The following TUBGCP5 variants were observed in gnomAD, a reference collection of about 807,000 sequenced individuals.
TUBGCP5 encodes gamma-tubulin complex component 5.
A neutral mutation model predicts 134.7 loss-of-function variants in TUBGCP5; 98 were observed. The ratio of observed to expected loss-of-function variants is 0.73; its 90% confidence interval spans 0.62 to 0.86. The LOEUF (loss-of-function observed/expected upper bound fraction) is 0.86. Among genes scored for constraint, TUBGCP5 ranks in the 40% least tolerant of loss-of-function variants. The pLI, the probability that TUBGCP5 is intolerant of heterozygous loss-of-function variation, is 0.00. For missense variants in TUBGCP5, 1,150 were observed against 1,244.8 expected (o/e 0.92, Z 1.15); for synonymous variants, 456 against 431.4 (o/e 1.06, Z -0.71).
chr15:23,026,066 C>T lies in TUBGCP5; in HGVS notation c.827+50G>A, dbSNP rs754404439. The T allele has an allele frequency of 5.0e-5, 74 of 1,475,036 alleles. No homozygotes were observed. The South Asian group carries it at 7.1e-4, about 14-fold the overall frequency. 91.4% of individuals were successfully genotyped at this position (1,475,036 alleles called of 1,614,324 possible). On this transcript the variant is annotated intron_variant, in intron 8 of 22. Coordinates refer to ENST00000615383, the MANE Select transcript of TUBGCP5 (RefSeq NM_052903.6). ...TTTCCTTTAATAAAAGTTTTTGCTT[C>T]TCAGTAATCAAGTCTCATAAAGACT...
chr15:23,035,088 G>C (rs1485437144), intron 3 of TUBGCP5, among the ~76,000 whole-genome samples: 1 of 152,066 alleles, frequency 6.6e-6, no homozygotes, highest in Non-Finnish European at 1.5e-5. Flanking sequence ...AGCACTTTGG[G>C]AGGCCAAGGC....
intron 10 of TUBGCP5, among the ~76,000 whole-genome samples, chr15:23,022,901 C>T (rs2065782617): frequency 6.6e-6 from 1 of 152,134 alleles, no homozygotes; most frequent in African/African-American, 2.4e-5. Flanking sequence ...AGCTGTCATA[C>T]TGGTGAAGAC....
intron 5 of TUBGCP5, among the ~76,000 whole-genome samples, chr15:23,031,479 G>A (rs1489520785): frequency 6.6e-6 from 1 of 152,176 alleles, no homozygotes; most frequent in Admixed American, 6.5e-5. Context: ...ACCACACCCA[G>A]CTAATTTTTT....
rs2064255605 is a variant in TUBGCP5, at chr15:22,999,667, C to T, written c.*153G>A. On this transcript the variant is annotated 3_prime_UTR_variant, in exon 23 of 23. Coordinates refer to ENST00000615383, the MANE Select transcript of TUBGCP5 (RefSeq NM_052903.6). The stretch of plus-strand genomic sequence containing the variant: ...CTGCCTGTCTTGGCCTCCCATCGTG[C>T]TGGGATTAGAGGCATGAGCGACTGT... 2 of 787,052 alleles carry T rather than the reference C, an allele frequency of 2.5e-6. No homozygotes were observed. The highest frequency in any genetic ancestry group is 5.5e-5 in the East Asian group (2 of 36,238). The allele number at this position is 787,052 out of a possible 1,614,324, so 48.8% of individuals were successfully genotyped here. A position where few individuals can be genotyped will look rare whatever the true frequency, so the allele number is the denominator to read the frequency against.
chr15:23,022,234 C>A, intron 10 of TUBGCP5, 73 bp from the exon 11 acceptor site: 2 of 1,510,126 alleles, frequency 1.3e-6, no homozygotes, highest in Non-Finnish European at 1.8e-6. Context: ...TAAATGCTGG[C>A]AAATCATCAG....
chr15:23,020,879 T>C (rs550033233), intron 11 of TUBGCP5, among the ~76,000 whole-genome samples: 6 of 152,146 alleles, frequency 3.9e-5, no homozygotes, highest in African/African-American at 7.2e-5. Context: ...CCTGGGACCA[T>C]AGGCATGTGC....
intron 14 of TUBGCP5, among the ~76,000 whole-genome samples, chr15:23,010,688 T>A (rs780717364): frequency 1.3e-4 from 20 of 152,044 alleles, no homozygotes; most frequent in Admixed American, 4.6e-4. Flanking sequence ...CTGCTTGTTA[T>A]AAAGGATAGG....
downstream of TUBGCP5, among the ~76,000 whole-genome samples, chr15:22,995,940 T>C (rs931159772): frequency 2.0e-5 from 3 of 152,162 alleles, no homozygotes; most frequent in East Asian, 1.9e-4. Context: ...AATTCTCTTA[T>C]GTCGTTATGT....
chr15:23,037,168 T>C lies in TUBGCP5; in HGVS notation c.147-16A>G. 1.9e-6 allele frequency: 3 copies of C among 1,611,318 alleles called. No individual in the cohort carries two copies. Among genetic ancestry groups the C allele is most frequent in the Admixed American group, 3.4e-5 (2 of 59,694 alleles). ...ACGATGAAATCTATTAAAGACAAAATGCAATTCTTATGCCAACTCTGTCAC... is the reference window on the plus strand; with the variant it reads ...ACGATGAAATCTATTAAAGACAAAACGCAATTCTTATGCCAACTCTGTCAC... On this transcript the variant is annotated splice_polypyrimidine_tract_variant and intron_variant, in intron 1 of 22. Transcript: ENST00000615383.
At chr15:23,017,132 C>G (rs992662013) in intron 13 of TUBGCP5, among the ~76,000 whole-genome samples, 1 of 151,174 alleles carries the variant, frequency 6.6e-6, no homozygotes, top group Non-Finnish European at 1.5e-5. Context: ...ATGTTGATCT[C>G]GTATTAGTAA....
chr15:22,999,898 A>G, intron 22 of TUBGCP5, 32 bp from the exon 23 acceptor site: 1 of 1,609,916 alleles, frequency 6.2e-7, no homozygotes, highest in Non-Finnish European at 8.5e-7. Context: ...GGTTAAAACA[A>G]TAGGTTTAAA....
intron 13 of TUBGCP5, among the ~76,000 whole-genome samples, chr15:23,012,565 G>A (rs1004901595): frequency 1.3e-5 from 2 of 152,112 alleles, no homozygotes; most frequent in Non-Finnish European, 2.9e-5. Flanking sequence ...ATGCCATCAT[G>A]CCCAGCTAAT....
rs778926530 is a variant in TUBGCP5 at position 23,006,037 on chromosome 15, G to A, written c.2533+15C>T. 1.9e-6 allele frequency: 3 copies of A among 1,581,006 alleles called. No homozygotes were observed. Among genetic ancestry groups the A allele is most frequent in the Non-Finnish European group, 2.6e-6 (3 of 1,170,532 alleles). On this transcript the variant is annotated intron_variant, in intron 18 of 22. Transcript: ENST00000615383. ...TAAATAAAATTACAATTTATCTGCT[G>A]AAAACAAATCTTACCACCAAAAAGT...
At chr15:22,991,161 G>A (rs747233197) in intron 23 of TUBGCP5, among the ~76,000 whole-genome samples, 2 of 151,608 alleles carry the variant, frequency 1.3e-5, no homozygotes, top group East Asian at 3.9e-4. Context: ...GCAGTGGCGC[G>A]ATGTCAGCTC....
Position 23,030,748 on chromosome 15 carries a change from T to G in TUBGCP5, c.622+137A>C. 4.7e-6 allele frequency: 4 copies of G among 851,112 alleles called. No individual in the cohort carries two copies. The Admixed American group carries it at 9.5e-5, about 20-fold the overall frequency. The allele number at this position is 851,112 out of a possible 1,614,324, so 52.7% of individuals were successfully genotyped here. On this transcript the variant is annotated intron_variant, in intron 6 of 22. Transcript: ENST00000615383. ...TAAGCATCATAGAAAACATTACTAA[T>G]GGTTTTAAAAATTGGTTTTATAAGG...
Position 23,031,075 on chromosome 15 carries a change from T to C in TUBGCP5, c.487-55A>G, listed in dbSNP as rs180983546. 13 of 1,472,420 alleles carry C rather than the reference T, an allele frequency of 8.8e-6. No individual in the cohort carries two copies. The Admixed American group carries it at 2.7e-4, about 31-fold the overall frequency. 91.2% of individuals were successfully genotyped at this position (1,472,420 alleles called of 1,614,324 possible). On this transcript the variant is annotated intron_variant, in intron 5 of 22. Transcript: ENST00000615383. ...TTACAGAGTATAACACTTAAAGCTA[T>C]TTACATTAAAAGACTAAGAAAACTT... is the stretch of plus-strand genomic sequence containing the variant.
chr15:23,001,767 A>C (rs1177260545), intron 21 of TUBGCP5, among the ~76,000 whole-genome samples: 1 of 151,634 alleles, frequency 6.6e-6, no homozygotes, highest in African/African-American at 2.4e-5. Context: ...TTACACCTCC[A>C]CAGCCCCACC....
At chr15:23,002,084 G>A (rs1382799755) in intron 21 of TUBGCP5, among the ~76,000 whole-genome samples, 2 of 147,860 alleles carry the variant, frequency 1.4e-5, no homozygotes, top group Non-Finnish European at 3.0e-5. Context: ...TGAAAGAGTT[G>A]AATTTCAGCA....
intron 23 of TUBGCP5, among the ~76,000 whole-genome samples, chr15:22,990,989 C>T (rs757781605): frequency 1.1e-4 from 17 of 152,180 alleles, no homozygotes; most frequent in Non-Finnish European, 2.2e-4. Context: ...TTTTGGCCTT[C>T]TGTCCTCCAG....
Sources: gnomAD v4.1 joint callset for allele counts (sites outside exome capture counted in the v4.1 genomes callset) on GRCh38, gnomAD v4.1.1 for gene constraint, MANE v1.5 for transcripts, NCBI Gene and HGNC (gene_info 2026-07-23, HGNC 2026-07-21) for gene names.